The following MPP7 variants were observed in gnomAD, a reference collection of about 807,000 sequenced individuals.
MPP7 encodes the protein MAGUK p55 scaffold protein 7, also known as MAGUK p55 subfamily member 7.
MPP7 carries 60 observed loss-of-function variants against 76.5 expected under a neutral mutation model. The ratio of observed to expected loss-of-function variants is 0.78; its 90% confidence interval spans 0.64 to 0.97. The LOEUF (loss-of-function observed/expected upper bound fraction) is 0.97. Ranked by LOEUF, MPP7 falls within the 50% of genes least tolerant of loss-of-function variation. MPP7 has a pLI of 0.00. For synonymous variants in MPP7, 237 were observed against 244.5 expected, an observed-to-expected ratio of 0.97 and a Z score of 0.29; for missense variants, 641 against 694.0, an observed-to-expected ratio of 0.92 and a Z score of 0.86.
At chr10:28,069,920 T>G in intron 12 of MPP7, 68 bp from the exon 13 acceptor site, 2 of 1,182,494 alleles carry the variant, frequency 1.7e-6, no homozygotes, top group South Asian at 2.5e-5. Context: ...GTAACTGACA[T>G]GAGTCTCTAA....
chr10:28,243,646 C>G (rs1280031105), intron 1 of MPP7, among the ~76,000 whole-genome samples: 1 of 152,142 alleles, frequency 6.6e-6, no homozygotes, highest in Non-Finnish European at 1.5e-5. Flanking sequence ...CAAATATCCA[C>G]AGTTAACTGA....
At position 28,056,630 on chromosome 10, in the gene MPP7, G is replaced by T; in HGVS notation, c.1408-7C>A. 6.5e-7 allele frequency: 1 copy of T among 1,541,056 alleles called. No individual in the cohort carries two copies. Among genetic ancestry groups the T allele is most frequent in the East Asian group, 2.4e-5 (1 of 41,070 alleles). On this transcript the variant is annotated splice_polypyrimidine_tract_variant and splice_region_variant and intron_variant, in intron 15 of 16. Transcript: ENST00000683449. ...TCCTTAAATGCTTCACTGTCTACAA[G>T]GAAGAAAAGAAAGTTTTCTCACATT...
intron 6 of MPP7, among the ~76,000 whole-genome samples, chr10:28,130,961 C>A (rs1194778205): frequency 1.3e-5 from 2 of 151,984 alleles, no homozygotes; most frequent in Non-Finnish European, 1.5e-5. Context: ...GAATAGCTAA[C>A]AAATAATTTT....
At chr10:28,328,792 C>T (rs934218777) in intron 2 of MPP7, among the ~76,000 whole-genome samples, 7 of 152,036 alleles carry the variant, frequency 4.6e-5, no homozygotes, top group Admixed American at 2.6e-4. Context: ...GTCTATTTGT[C>T]GAAATACCAT....
rs1028933532 is a variant in MPP7 at position 28,111,993 on chromosome 10, C to G, written c.952+7658G>C. 2.6e-5 allele frequency among the ~76,000 whole-genome samples: 4 copies of G among 152,222 alleles called. No individual in the cohort carries two copies. The South Asian group carries it at 6.2e-4, about 24-fold the overall frequency. ...GAAAACACTTCCAGGAAGGTGTATA[C>G]CACTGTATTTTTATTTTTCAAATAC... On this transcript the variant is annotated intron_variant, in intron 11 of 16. Transcript: ENST00000683449.
At chr10:28,288,333 G>C (rs1320868008) in intron 1 of MPP7, among the ~76,000 whole-genome samples, 2 of 152,058 alleles carry the variant, frequency 1.3e-5, no homozygotes, top group African/African-American at 4.8e-5. Context: ...TCAACCTCCT[G>C]GGCTCAAGCA....
At chr10:28,254,089 C>T (rs1350473238) in intron 1 of MPP7, among the ~76,000 whole-genome samples, 1 of 149,844 alleles carries the variant, frequency 6.7e-6, no homozygotes, top group African/African-American at 2.4e-5. Flanking sequence ...ACTATAATCT[C>T]CTTGAATTAA....
chr10:28,118,050 C>A, intron 11 of MPP7: 1 of 955,050 alleles, frequency 1.0e-6, no homozygotes, highest in Non-Finnish European at 1.2e-6. Context: ...GAGGACATTT[C>A]AGTAAAGATA....
Position 28,094,023 on chromosome 10 carries a change from A to G in MPP7, c.953-4182T>C, listed in dbSNP as rs542287486. ...ACAAAGAAAGCATGACACATTAGGC[A>G]TTTTCTAAGAGTTAAAATTCTAAAA... is the stretch of plus-strand genomic sequence containing the variant. On this transcript the variant is annotated intron_variant, in intron 11 of 16. Transcript: ENST00000683449. Among the ~76,000 whole-genome samples the G allele has an allele frequency of 7.9e-5, 12 of 152,292 alleles. No homozygotes were observed. In the South Asian group the frequency reaches 2.5e-3, roughly 32 times the overall value.
intron 11 of MPP7, among the ~76,000 whole-genome samples, chr10:28,108,688 T>C (rs901554978): frequency 6.6e-6 from 1 of 151,332 alleles, no homozygotes; most frequent in Non-Finnish European, 1.5e-5. Flanking sequence ...TAAAATAATA[T>C]AAAATAATAT....
chr10:28,108,721 C>T (rs1834404407), intron 11 of MPP7, among the ~76,000 whole-genome samples: 1 of 151,936 alleles, frequency 6.6e-6, no homozygotes, highest in Non-Finnish European at 1.5e-5. Flanking sequence ...ACCATTCATT[C>T]CCTCTCACTA....
At chr10:28,242,906 T>TA (rs1554856680) in intron 1 of MPP7, among the ~76,000 whole-genome samples, 1 of 152,144 alleles carries the variant, frequency 6.6e-6, no homozygotes, top group Non-Finnish European at 1.5e-5. Flanking sequence ...AATGAAGCAG[T>TA]AAAAATTAAT....
intron 3 of MPP7, among the ~76,000 whole-genome samples, chr10:28,178,859 T>C (rs1358261957): frequency 6.6e-6 from 1 of 152,206 alleles, no homozygotes; most frequent in African/African-American, 2.4e-5. Context: ...AGAGACATTC[T>C]TCTCAAATGT....
At chr10:28,097,356 A>G (rs560780721) in intron 11 of MPP7, among the ~76,000 whole-genome samples, 2 of 152,252 alleles carry the variant, frequency 1.3e-5, no homozygotes, top group South Asian at 4.1e-4. Flanking sequence ...TAATATCAGT[A>G]TAAGTGGTGG....
At chr10:28,076,215 A>G (rs1852475839) in intron 12 of MPP7, among the ~76,000 whole-genome samples, 1 of 152,192 alleles carries the variant, frequency 6.6e-6, no homozygotes, top group African/African-American at 2.4e-5. Flanking sequence ...AAGAGCTGCC[A>G]TGTAACAGAG....
intron 2 of MPP7, among the ~76,000 whole-genome samples, chr10:28,326,098 T>C (rs1028725034): frequency 4.6e-5 from 7 of 152,188 alleles, no homozygotes; most frequent in Non-Finnish European, 8.8e-5. Context: ...AGCTCACTGC[T>C]TTCTGTATGT....
At chr10:28,331,560 G>T (rs967582851) in intron 1 of MPP7, among the ~76,000 whole-genome samples, 1 of 152,082 alleles carries the variant, frequency 6.6e-6, no homozygotes, top group African/African-American at 2.4e-5. Context: ...AGTTTGTAGG[G>T]TTTTTAAAAA....
chr10:28,215,704 A>G (rs12265742), intron 2 of MPP7, among the ~76,000 whole-genome samples: 4,941 of 152,186 alleles, frequency 0.032, 295 homozygotes, highest in African/African-American at 0.11. Context: ...AACTGGGCAT[A>G]TTGGTAAACA....
intron 3 of MPP7, among the ~76,000 whole-genome samples, chr10:28,165,853 C>T (rs770926847): frequency 1.1e-4 from 17 of 151,842 alleles, no homozygotes; most frequent in African/African-American, 3.9e-4. Flanking sequence ...GGTGAAACCC[C>T]GTCTCTACTA....
Sources: gnomAD v4.1 joint callset for allele counts (sites outside exome capture counted in the v4.1 genomes callset) on GRCh38, gnomAD v4.1.1 for gene constraint, MANE v1.5 for transcripts, NCBI Gene and HGNC (gene_info 2026-07-23, HGNC 2026-07-21) for gene names.